ASB1: variants seen among roughly 807,000 people sequenced by gnomAD.
ASB1 encodes the protein ankyrin repeat and SOCS box protein 1.
Under a neutral mutation model 27.7 loss-of-function variants are expected in ASB1, and 18 were observed. The ratio of observed to expected loss-of-function variants is 0.65; its 90% confidence interval spans 0.45 to 0.96. The LOEUF is 0.96. Ranked by LOEUF, ASB1 falls within the 50% of genes least tolerant of loss-of-function variation. The probability of loss-of-function intolerance (pLI) is 0.00; values close to 1 mark genes in which losing one functional copy is unlikely to be tolerated. For missense variants in ASB1, 397 were observed against 451.7 expected (o/e 0.88, Z 1.10); for synonymous variants, 189 against 187.6 (o/e 1.01, Z -0.06).
At position 238,426,972 on chromosome 2, in the gene ASB1, C is replaced by A; in HGVS notation, c.-99C>A. ...GCCGGAAGCCGCGACCCCGACGCGC[C>A]CCCCATTGCCCTCGGCGCCGGAAGT... On this transcript the variant is annotated 5_prime_UTR_variant, in exon 1 of 5. Coordinates refer to ENST00000264607, the MANE Select transcript of ASB1 (RefSeq NM_001040445.3). 2.0e-6 allele frequency: 2 copies of A among 978,858 alleles called. No individual in the cohort carries two copies. The highest frequency in any genetic ancestry group is 2.6e-6 in the Non-Finnish European group (2 of 760,236). The allele number at this position is 978,858 out of a possible 1,614,324, so 60.6% of individuals were successfully genotyped here. A position where few individuals can be genotyped will look rare whatever the true frequency, so the allele number is the denominator to read the frequency against.
chr2:238,445,651 CT>C (rs1032817214), intron 4 of ASB1, among the ~76,000 whole-genome samples: 3 of 152,230 alleles, frequency 2.0e-5, no homozygotes, highest in African/African-American at 4.8e-5. Flanking sequence ...ATGTCACCCC[CT>C]CCCACCGCTC....
At position 238,427,035 on chromosome 2, in the gene ASB1, C is replaced by T. The variant is rs1362920291; in HGVS notation, c.-36C>T. 7.2e-6 allele frequency: 9 copies of T among 1,243,406 alleles called. No homozygotes were observed. Among genetic ancestry groups the T allele is most frequent in the Non-Finnish European group, 9.1e-6 (9 of 993,548 alleles). 77.0% of individuals were successfully genotyped at this position (1,243,406 alleles called of 1,614,324 possible). On this transcript the variant is annotated 5_prime_UTR_variant, in exon 1 of 5. Transcript: ENST00000264607. ...TTCTGCTTCCTGCCCGAGGGGCGTG[C>T]GCGGGTCAGGGGCGGCCGCGGAGGC...
rs1702289673 is a variant in ASB1, at chr2:238,451,745, C to A, written c.*5234C>A. On this transcript the variant is annotated 3_prime_UTR_variant, in exon 5 of 5. Transcript: ENST00000264607. ...AAATGCTTTACTTCCCTCTAATTGC[C>A]CCCAAATGCCTTAATTTTGTGGACT... The A allele has an allele frequency of 6.6e-6, 1 of 152,612 alleles. No individual in the cohort carries two copies. Among genetic ancestry groups the A allele is most frequent in the South Asian group, 2.1e-4 (1 of 4,826 alleles). 9.5% of individuals were successfully genotyped at this position (152,612 alleles called of 1,614,324 possible).
intron 2 of ASB1, among the ~76,000 whole-genome samples, chr2:238,434,934 G>T (rs768891075): frequency 2.0e-5 from 3 of 152,236 alleles, no homozygotes; most frequent in Non-Finnish European, 2.9e-5. Flanking sequence ...GAGCCTAGGC[G>T]CAGCTGGCGG....
At chr2:238,438,199 A>ATTTTTTTTTTTTTTTTTT (rs57391955) in intron 3 of ASB1, among the ~76,000 whole-genome samples, 2 of 98,198 alleles carry the variant, frequency 2.0e-5, no homozygotes, top group Admixed American at 1.4e-4. Context: ...GATGCCCTTC[A>ATTTTTTTTTTTTTTTTTT]TTTTTTTTTT....
chr2:238,442,012 A>G (rs548787738), intron 3 of ASB1, among the ~76,000 whole-genome samples: 2 of 152,286 alleles, frequency 1.3e-5, no homozygotes, highest in Admixed American at 6.5e-5. Flanking sequence ...CCAATCTGAT[A>G]GGTGAGAAGT....
At chr2:238,438,238 C>T (rs1260400757) in intron 3 of ASB1, among the ~76,000 whole-genome samples, 1 of 127,916 alleles carries the variant, frequency 7.8e-6, no homozygotes, top group Non-Finnish European at 1.6e-5. Context: ...CTCACCCTGT[C>T]GTCCAGGCTG....
chr2:238,427,176 T>C (rs1701773428), intron 1 of ASB1, 57 bp downstream of exon 1: 2 of 1,186,326 alleles, frequency 1.7e-6, no homozygotes, highest in East Asian at 3.2e-5. Context: ...AAGGGCTGGC[T>C]CCGGCGTCCC....
chr2:238,443,767 A>T (rs1205317455), intron 3 of ASB1, among the ~76,000 whole-genome samples: 1 of 150,664 alleles, frequency 6.6e-6, no homozygotes, highest in Admixed American at 6.6e-5. Flanking sequence ...GCATCTGCAG[A>T]GATAATCAGA....
At chr2:238,439,723 G>A (rs1702044163) in intron 3 of ASB1, among the ~76,000 whole-genome samples, 1 of 152,172 alleles carries the variant, frequency 6.6e-6, no homozygotes, top group Non-Finnish European at 1.5e-5. Context: ...GAATCGCAAA[G>A]GGAGGTTGTG....
intron 2 of ASB1, 139 bp from the exon 3 acceptor site, chr2:238,435,572 A>G: frequency 1.2e-6 from 1 of 868,124 alleles, no homozygotes; most frequent in Non-Finnish European, 1.7e-6. Context: ...GTGTGAGAGC[A>G]TTTCAGAAGG....
chr2:238,436,377 G>T (rs12104686), intron 3 of ASB1, among the ~76,000 whole-genome samples: 1,630 of 151,906 alleles, frequency 0.011, 38 homozygotes, highest in African/African-American at 0.037. Flanking sequence ...TTTCCTCTTT[G>T]TTCTTAGAGT....
chr2:238,440,958 C>A (rs555314764), intron 3 of ASB1, among the ~76,000 whole-genome samples: 1 of 152,114 alleles, frequency 6.6e-6, no homozygotes. Context: ...GCTGCCCTGC[C>A]GACAAGCTGT....
At chr2:238,443,768 G>C (rs529959705) in intron 3 of ASB1, among the ~76,000 whole-genome samples, 4 of 150,106 alleles carry the variant, frequency 2.7e-5, no homozygotes, top group African/African-American at 9.9e-5. Context: ...CATCTGCAGA[G>C]ATAATCAGAG....
In ASB1 at chr2:238,433,668, G is replaced by A; in HGVS notation, c.164G>A (p.Ser55Asn). The change falls in exon 2 of 5, where the codon AGC becomes AAC. Residue 55 changes from serine to asparagine, a missense_variant. Transcript: ENST00000264607. ...GTCGGGGACCTCCAGACCCTCAGGA[G>A]CCTATTGCAAGAGGAGAGCTACCGG... ...AYVGDLQTLRSLLQEESYRSR... is the reference protein window; with the variant it reads ...AYVGDLQTLRNLLQEESYRSR... 2.5e-6 allele frequency: 4 copies of A among 1,614,050 alleles called. No individual in the cohort carries two copies. The highest frequency in any genetic ancestry group is 3.4e-6 in the Non-Finnish European group (4 of 1,179,960).
Position 238,435,761 on chromosome 2 carries a change from C to T in ASB1, c.242C>T (p.Pro81Leu), listed in dbSNP as rs1258938169. The change falls in exon 3 of 5, where the codon CCG (proline) becomes CTG (leucine). Residue 81 changes from proline to leucine, a missense_variant. Transcript: ENST00000264607. ...VWCCGWLPCT[P>L]LRIAATAGHG... is the part of the protein sequence containing the mutation. ...TGCTGTGGCTGGCTCCCCTGCACAC[C>T]GTTGCGAATCGCGGCCACTGCAGGC... The T allele has an allele frequency of 2.5e-6, 4 of 1,613,962 alleles. No individual in the cohort carries two copies. The highest frequency in any genetic ancestry group is 1.7e-5 in the Admixed American group (1 of 60,008).
At chr2:238,429,595 C>T (rs1002366538) in intron 1 of ASB1, among the ~76,000 whole-genome samples, 1 of 151,992 alleles carries the variant, frequency 6.6e-6, no homozygotes, top group South Asian at 2.1e-4. Context: ...TTTGGTTTCC[C>T]AGTGCATATA....
At position 238,444,241 on chromosome 2, in the gene ASB1, G is replaced by A. The variant is rs970377875; in HGVS notation, c.495-101G>A. 3.7e-6 allele frequency: 5 copies of A among 1,353,612 alleles called. No individual in the cohort carries two copies. In the African/African-American group the frequency reaches 7.3e-5, roughly 20 times the overall value. The allele number at this position is 1,353,612 out of a possible 1,614,324, so 83.9% of individuals were successfully genotyped here. A position where few individuals can be genotyped will look rare whatever the true frequency, so the allele number is the denominator to read the frequency against. On this transcript the variant is annotated intron_variant, in intron 3 of 4. Coordinates refer to ENST00000264607, the MANE Select transcript of ASB1 (RefSeq NM_001040445.3). ...ACAGCGCCTGGTGTCACTGAATCAAGGCCTTCTGCTCAGGGTGGCTGTGGG... is the reference window on the plus strand; with the variant it reads ...ACAGCGCCTGGTGTCACTGAATCAAAGCCTTCTGCTCAGGGTGGCTGTGGG...
rs1702056527 is a variant in ASB1, at chr2:238,440,409, T to C, written c.495-3933T>C. 3.3e-5 allele frequency among the ~76,000 whole-genome samples: 5 copies of C among 152,372 alleles called. 1 individual carries two copies. The South Asian group carries it at 1.0e-3, about 32-fold the overall frequency. On this transcript the variant is annotated intron_variant, in intron 3 of 4. Coordinates refer to ENST00000264607, the MANE Select transcript of ASB1 (RefSeq NM_001040445.3). The stretch of plus-strand genomic sequence containing the variant: ...CAGGCTCATGCCACAAGGTTCATCC[T>C]AGTTTTCTGCCTTTCGCGTTTACTA...
Sources: allele counts gnomAD v4.1 joint callset (sites outside exome capture counted in the v4.1 genomes callset), GRCh38; gene constraint gnomAD v4.1.1; transcripts MANE v1.5; gene names NCBI Gene and HGNC (gene_info 2026-07-23, HGNC 2026-07-21).